Variants in KDM2A observed in about 807,000 individuals in gnomAD.
The protein encoded by KDM2A is lysine-specific demethylase 2A.
Under a neutral mutation model 137.3 loss-of-function variants are expected in KDM2A, and 3 were observed. The ratio of observed to expected loss-of-function variants is 0.02; its 90% CI spans 0.01 to 0.06. The LOEUF (loss-of-function observed/expected upper bound fraction) is 0.06, where lower values mean the gene tolerates loss of function less well. KDM2A is among the 10% of genes least tolerant of loss of function. The pLI is 1.00. For synonymous variants in KDM2A, 512 were observed against 541.5 expected (o/e 0.95, Z 0.76); for missense variants, 738 against 1,510.6 (o/e 0.49, Z 8.48).
Position 67,119,850 on chromosome 11 carries a change from C to G in KDM2A, c.-283C>G, listed in dbSNP as rs1432877149. 6.6e-6 allele frequency: 1 copy of G among 151,954 alleles called. No individual in the cohort carries two copies. The highest frequency in any genetic ancestry group is 1.5e-5 in the Non-Finnish European group (1 of 67,978). 9.4% of individuals were successfully genotyped at this position (151,954 alleles called of 1,614,324 possible). On this transcript the variant is annotated 5_prime_UTR_variant, in exon 1 of 21. Coordinates refer to ENST00000529006, the MANE Select transcript of KDM2A (RefSeq NM_012308.3). Reference sequence around the variant, plus strand: ...GTCGCGCTCCTCTCTCCTGACGCCTCCGACTCCCGGTCTCCAAAGCCAGAA... The same window carrying G: ...GTCGCGCTCCTCTCTCCTGACGCCTGCGACTCCCGGTCTCCAAAGCCAGAA...
chr11:67,210,584 G>A (rs1857949536), intron 6 of KDM2A, among the ~76,000 whole-genome samples: 1 of 152,046 alleles, frequency 6.6e-6, no homozygotes, highest in South Asian at 2.1e-4. Context: ...GGGCGGAGAA[G>A]AACCTATGAG....
At chr11:67,171,844 A>G (rs991748862) in intron 2 of KDM2A, among the ~76,000 whole-genome samples, 2 of 152,154 alleles carry the variant, frequency 1.3e-5, no homozygotes, top group African/African-American at 4.8e-5. Context: ...AAATCAATTC[A>G]CTGTAAGTGT....
At chr11:67,253,317 G>C (rs887503171) in intron 18 of KDM2A, 136 bp from the exon 19 acceptor site, 1 of 758,960 alleles carries the variant, frequency 1.3e-6, no homozygotes, top group African/African-American at 1.7e-5. Context: ...AAATCTTTGA[G>C]CTGGATGACT....
chr11:67,173,391 G>A (rs530696069), intron 2 of KDM2A, among the ~76,000 whole-genome samples: 3 of 151,734 alleles, frequency 2.0e-5, no homozygotes, highest in African/African-American at 7.3e-5. Flanking sequence ...CAAAGTGTGG[G>A]GATTACATGC....
rs186368108 is a variant in KDM2A, at chr11:67,253,712, G to A, written c.3091+101G>A. The A allele has an allele frequency of 4.2e-4, 524 of 1,251,422 alleles. 3 individuals carry two copies. The Admixed American group carries it at 9.7e-3, about 23-fold the overall frequency. 77.5% of individuals were successfully genotyped at this position (1,251,422 alleles called of 1,614,324 possible). A position where few individuals can be genotyped will look rare whatever the true frequency, so the allele number is the denominator to read the frequency against. On this transcript the variant is annotated intron_variant, in intron 19 of 20. Transcript: ENST00000529006. ...CTAAGGTAGTCTCAGATATGACGCT[G>A]TGGAAGAATAGAAGAGCACAAAATG...
At chr11:67,248,616 T>G in intron 16 of KDM2A, 1 of 442,842 alleles carries the variant, frequency 2.3e-6, no homozygotes, top group Non-Finnish European at 4.1e-6. Flanking sequence ...AAGGTCCTTT[T>G]ATACTCTGGG....
intron 12 of KDM2A, among the ~76,000 whole-genome samples, chr11:67,233,134 G>T (rs951517727): frequency 2.6e-5 from 4 of 152,120 alleles, no homozygotes; most frequent in Non-Finnish European, 5.9e-5. Context: ...TTGGAACAAT[G>T]GGTATGTATA....
intron 2 of KDM2A, among the ~76,000 whole-genome samples, chr11:67,149,872 C>T (rs1856346229): frequency 6.6e-6 from 1 of 152,066 alleles, no homozygotes; most frequent in Non-Finnish European, 1.5e-5. Flanking sequence ...AGGCATGCGC[C>T]ACCAGTCCCA....
At chr11:67,244,744 G>A (rs1859153191) in intron 13 of KDM2A, among the ~76,000 whole-genome samples, 1 of 152,076 alleles carries the variant, frequency 6.6e-6, no homozygotes, top group African/African-American at 2.4e-5. Context: ...CCAGCACTAT[G>A]GGATGCCAAG....
At chr11:67,249,452 T>TA (rs1249135840) in intron 16 of KDM2A, among the ~76,000 whole-genome samples, 2 of 152,230 alleles carry the variant, frequency 1.3e-5, no homozygotes, top group African/African-American at 2.4e-5. Context: ...GAACTACTGA[T>TA]ACGGTTCCTA....
At chr11:67,137,638 T>C (rs766328667) in intron 2 of KDM2A, among the ~76,000 whole-genome samples, 4 of 152,172 alleles carry the variant, frequency 2.6e-5, no homozygotes, top group Non-Finnish European at 2.9e-5. Flanking sequence ...TAGGGTACAC[T>C]GAAGGAAGAG....
rs1859177607 is a variant in KDM2A at position 67,245,525 on chromosome 11, T to C, written c.1833+67T>C. On this transcript the variant is annotated intron_variant, in intron 14 of 20. Coordinates refer to ENST00000529006, the MANE Select transcript of KDM2A (RefSeq NM_012308.3). The surrounding 1 kb of genome is among the most constrained non-coding windows in gnomAD (Gnocchi z 4.1). Reference sequence around the variant, plus strand: ...AGTGCCAAAGGAACTGAAATACATATAGTGTAGAGTTAAAGAGACTTCAGA... The same window carrying C: ...AGTGCCAAAGGAACTGAAATACATACAGTGTAGAGTTAAAGAGACTTCAGA... The C allele has an allele frequency of 2.6e-6, 4 of 1,530,290 alleles. No homozygotes were observed. The highest frequency in any genetic ancestry group is 1.8e-5 in the Admixed American group (1 of 56,436). 94.8% of individuals were successfully genotyped at this position (1,530,290 alleles called of 1,614,324 possible).
At chr11:67,174,503 T>G (rs887053293) in intron 2 of KDM2A, among the ~76,000 whole-genome samples, 2 of 152,278 alleles carry the variant, frequency 1.3e-5, no homozygotes. Context: ...ATAGAATGAT[T>G]AATAGATGAA....
chr11:67,192,470 GCA>G (rs1193762582), intron 5 of KDM2A, among the ~76,000 whole-genome samples: 3,549 of 104,378 alleles, frequency 0.034, 487 homozygotes, highest in African/African-American at 0.17. Context: ...TTGAGATGGA[GCA>G]TCTCTCTTGG....
Position 67,250,361 on chromosome 11 carries a change from G to A in KDM2A, c.2331G>A (p.Glu777=), listed in dbSNP as rs922912202. 1 of 1,613,990 alleles carries A rather than the reference G, an allele frequency of 6.2e-7. No individual in the cohort carries two copies. Among genetic ancestry groups the A allele is most frequent in the Non-Finnish European group, 8.5e-7 (1 of 1,179,904 alleles). Residue 777 remains glutamate (E), a synonymous_variant, in exon 17 of 21, where the codon GAG becomes GAA. Transcript: ENST00000529006. The surrounding 1 kb of genome is among the most constrained non-coding windows in gnomAD (Gnocchi z 7.1). ...AGCGCACCATGGTACGGGAAAAGGA[G>A]AACAATCCCAGCGGCAAAAAGGAGC... The part of the protein sequence containing the change: ...ATERTMVREK[E]NNPSGKKELS...
chr11:67,254,905 C>G lies in KDM2A; in HGVS notation c.3339C>G (p.Ile1113Met), dbSNP rs1021522769. 3 of 1,614,038 alleles carry G rather than the reference C, an allele frequency of 1.9e-6. No individual in the cohort carries two copies. Among genetic ancestry groups the G allele is most frequent in the Non-Finnish European group, 2.5e-6 (3 of 1,179,898 alleles). ...GCNKLTDQTL[I>M]YLRRIANVTL... ...ATAAATTGACAGACCAGACCCTGAT[C>G]TACCTACGGCGCATTGCCAACGTCA... Residue 1113 changes from isoleucine to methionine, a missense_variant, in exon 21 of 21, where the codon ATC becomes ATG. Physicochemically the swap from Ile to Met is conservative, Grantham distance 10. Coordinates refer to ENST00000529006, the MANE Select transcript of KDM2A (RefSeq NM_012308.3). The surrounding 1 kb of genome is among the most constrained non-coding windows in gnomAD (Gnocchi z 4.7).
chr11:67,228,686 G>GAA (rs139339570), intron 11 of KDM2A, among the ~76,000 whole-genome samples: 9 of 105,006 alleles, frequency 8.6e-5, no homozygotes, highest in African/African-American at 1.5e-4. Flanking sequence ...ACCCTGTTGC[G>GAA]AAAAAAAAAA....
chr11:67,191,302 G>A (rs1238222728), intron 5 of KDM2A, among the ~76,000 whole-genome samples: 2 of 152,120 alleles, frequency 1.3e-5, no homozygotes, highest in Non-Finnish European at 2.9e-5. Flanking sequence ...TGAGATAACA[G>A]GCGTGAGCCA....
At chr11:67,224,746 T>C (rs1354832938) in intron 10 of KDM2A, among the ~76,000 whole-genome samples, 1 of 151,288 alleles carries the variant, frequency 6.6e-6, no homozygotes, top group Non-Finnish European at 1.5e-5. Flanking sequence ...GATTGCAGGC[T>C]TGAGCTATCT....
Sources: allele counts gnomAD v4.1 joint callset (sites outside exome capture counted in the v4.1 genomes callset), GRCh38; gene constraint gnomAD v4.1.1; non-coding constraint Gnocchi (gnomAD v3.1); transcripts MANE v1.5; gene names NCBI Gene and HGNC (gene_info 2026-07-23, HGNC 2026-07-21).